Variants in ZC3H12B observed in about 807,000 individuals in gnomAD.
The protein encoded by ZC3H12B is zinc finger CCCH-type containing 12B, also known as probable ribonuclease ZC3H12B.
A neutral mutation model predicts 43.9 loss-of-function variants in ZC3H12B; 7 were observed. The ratio of observed to expected loss-of-function variants is 0.16; its 90% CI spans 0.09 to 0.30. ZC3H12B has a LOEUF of 0.30. Among genes scored for constraint, ZC3H12B ranks in the 10% least tolerant of loss-of-function variants. The pLI is 1.00. For missense variants in ZC3H12B, 475 were observed against 670.2 expected, an observed-to-expected ratio of 0.71 and a Z score of 3.22; for synonymous variants, 222 against 241.7, an observed-to-expected ratio of 0.92 and a Z score of 0.76.
At chrX:65,378,149 G>A (rs987921614) in intron 2 of ZC3H12B, among the ~76,000 whole-genome samples, 1 of 109,797 alleles carries the variant, frequency 9.1e-6, no homozygotes, top group African/African-American at 3.3e-5. Context: ...ATAATAATAA[G>A]CACAAAGGAA....
intron 2 of ZC3H12B, among the ~76,000 whole-genome samples, chrX:65,372,394 C>T (rs973654059): frequency 4.6e-5 from 5 of 109,861 alleles, no homozygotes; most frequent in African/African-American, 1.7e-4. Flanking sequence ...AAGATAAGTG[C>T]ACTGACATCA....
At chrX:65,144,952 G>T in the ZC3H12B span, among the ~76,000 whole-genome samples, 1 of 111,881 alleles carries the variant, frequency 8.9e-6, no homozygotes, top group African/African-American at 3.2e-5. Flanking sequence ...TGCAGTTGTT[G>T]AATACAATGT....
the ZC3H12B span, among the ~76,000 whole-genome samples, chrX:65,119,084 A>G: frequency 1.8e-5 from 2 of 110,947 alleles, no homozygotes; most frequent in Admixed American, 9.6e-5. Context: ...AGTCTTTGCT[A>G]TTGTGAATAG....
the ZC3H12B span, among the ~76,000 whole-genome samples, chrX:65,212,591 A>G: frequency 1.2e-5 from 1 of 82,073 alleles, no homozygotes; most frequent in Admixed American, 1.8e-4. Flanking sequence ...TATATATTAT[A>G]TATAATATAT....
chrX:65,505,372 TTC>T (rs1372932121), exon 5 of ZC3H12B: 4 of 112,763 alleles, frequency 3.5e-5, no homozygotes, highest in Non-Finnish European at 7.5e-5. Flanking sequence ...CTTTCTGGCT[TTC>T]TGTCTCTGTC....
At chrX:65,040,376 T>G in the ZC3H12B span, among the ~76,000 whole-genome samples, 4 of 110,112 alleles carry the variant, frequency 3.6e-5, no homozygotes, top group African/African-American at 1.3e-4. Flanking sequence ...TTAACTGTTT[T>G]TTTTTTTTTT....
At chrX:65,161,104 G>T in the ZC3H12B span, among the ~76,000 whole-genome samples, 3 of 111,358 alleles carry the variant, frequency 2.7e-5, no homozygotes, top group East Asian at 2.8e-4. Context: ...GTTCTAGTTT[G>T]ATTGCACTGT....
intron 3 of ZC3H12B, among the ~76,000 whole-genome samples, chrX:65,432,111 C>T (rs1048058297): frequency 1.3e-4 from 15 of 111,742 alleles, no homozygotes; most frequent in African/African-American, 4.9e-4. Flanking sequence ...GGTATTAGGG[C>T]CACTTTTTTA....
chrX:65,337,017 G>T, the ZC3H12B span, among the ~76,000 whole-genome samples: 1 of 112,269 alleles, frequency 8.9e-6, no homozygotes, highest in South Asian at 3.7e-4. Flanking sequence ...TATTTGGAAG[G>T]ACTATAATGT....
At chrX:65,115,645 G>T in the ZC3H12B span, among the ~76,000 whole-genome samples, 1 of 111,528 alleles carries the variant, frequency 9.0e-6, no homozygotes, top group Admixed American at 9.6e-5. Flanking sequence ...GTTTTCCGTA[G>T]TGGTTCTACC....
intron 2 of ZC3H12B, among the ~76,000 whole-genome samples, chrX:65,379,410 G>A (rs2066402341): frequency 9.0e-6 from 1 of 111,539 alleles, no homozygotes; most frequent in Non-Finnish European, 1.9e-5. Flanking sequence ...TCTGTTAGAA[G>A]GAAAACTAAC....
At chrX:65,102,898 G>T in the ZC3H12B span, among the ~76,000 whole-genome samples, 1 of 111,627 alleles carries the variant, frequency 9.0e-6, no homozygotes, top group Non-Finnish European at 1.9e-5. Context: ...AAGGGTTGGG[G>T]TGTACGAATA....
At chrX:65,084,445 A>C in the ZC3H12B span, among the ~76,000 whole-genome samples, 2 of 112,265 alleles carry the variant, frequency 1.8e-5, no homozygotes, top group South Asian at 7.4e-4. Flanking sequence ...AAATGGGCAA[A>C]ATATTTTAAT....
the ZC3H12B span, among the ~76,000 whole-genome samples, chrX:65,182,189 G>A: frequency 9.0e-6 from 1 of 111,282 alleles, no homozygotes; most frequent in African/African-American, 3.3e-5. Flanking sequence ...ACTCATTAGT[G>A]GGAGTTGAAC....
chrX:65,357,265 A>G, the ZC3H12B span: 3 of 353,670 alleles, frequency 8.5e-6, no homozygotes, highest in Non-Finnish European at 1.6e-5. Context: ...ATAGGATGGT[A>G]GGATGACTGT....
chrX:65,199,597 A>T, the ZC3H12B span, among the ~76,000 whole-genome samples: 1 of 108,976 alleles, frequency 9.2e-6, no homozygotes, highest in African/African-American at 3.3e-5. Flanking sequence ...GCTCTCCCTA[A>T]CCCCACCTCC....
At chrX:65,173,456 A>G in the ZC3H12B span, among the ~76,000 whole-genome samples, 1 of 111,677 alleles carries the variant, frequency 9.0e-6, no homozygotes, top group Non-Finnish European at 1.9e-5. Flanking sequence ...TTTCAATACT[A>G]TGTTGAATGG....
the ZC3H12B span, among the ~76,000 whole-genome samples, chrX:65,128,324 G>A: frequency 9.0e-6 from 1 of 111,690 alleles, no homozygotes; most frequent in South Asian, 3.7e-4. Context: ...CTTGACCTAT[G>A]GAATATGAAG....
At chrX:65,173,413 T>G in the ZC3H12B span, among the ~76,000 whole-genome samples, 1 of 111,793 alleles carries the variant, frequency 8.9e-6, no homozygotes, top group Non-Finnish European at 1.9e-5. Flanking sequence ...TATGCTTTAT[T>G]TTTTTCTCTT....
Sources: gnomAD v4.1 joint callset for allele counts (sites outside exome capture counted in the v4.1 genomes callset) on GRCh38, gnomAD v4.1.1 for gene constraint, MANE v1.5 for transcripts, NCBI Gene and HGNC (gene_info 2026-07-23, HGNC 2026-07-21) for gene names.